Variants in MAMLD1 observed in about 807,000 individuals in gnomAD.
MAMLD1 encodes the protein mastermind-like domain-containing protein 1.
A neutral mutation model predicts 45.0 loss-of-function variants in MAMLD1; 14 were observed. That is an observed-to-expected ratio of 0.31 (90% confidence interval 0.21 to 0.49). MAMLD1 has a LOEUF of 0.49. MAMLD1 is among the 20% of genes least tolerant of loss of function. The pLI is 0.99. For synonymous variants in MAMLD1, 254 were observed against 247.8 expected (o/e 1.02, Z -0.24); for missense variants, 543 against 603.6 (o/e 0.90, Z 1.05).
At chrX:150,399,459 A>C (rs2033658025) in intron 1 of MAMLD1, among the ~76,000 whole-genome samples, 1 of 112,019 alleles carries the variant, frequency 8.9e-6, no homozygotes, top group African/African-American at 3.2e-5. Context: ...AGAACCCGTG[A>C]ATGTGAGTTT....
chrX:150,366,017 C>G (rs1367912554), intron 1 of MAMLD1, among the ~76,000 whole-genome samples: 1 of 112,253 alleles, frequency 8.9e-6, no homozygotes, highest in Non-Finnish European at 1.9e-5. Flanking sequence ...TGCTCCGCCC[C>G]TGTGCCCCAA....
In MAMLD1 at chrX:150,481,551, T is replaced by A. The variant is rs182614518; in HGVS notation, c.2040+7749T>A. Among the ~76,000 whole-genome samples the A allele has an allele frequency of 2.6e-4, 29 of 111,900 alleles. No homozygotes were observed. In the South Asian group the frequency reaches 4.0e-3, roughly 16 times the overall value. On this transcript the variant is annotated intron_variant, in intron 5 of 7. Coordinates refer to ENST00000370401, the MANE Select transcript of MAMLD1 (RefSeq NM_005491.5). Reference sequence around the variant, plus strand: ...TGCCTAAAAGAATCGAAAGCAAGGCTGGACACAGTGGCTCACACCTGTAAT... The same window carrying A: ...TGCCTAAAAGAATCGAAAGCAAGGCAGGACACAGTGGCTCACACCTGTAAT...
upstream of MAMLD1, among the ~76,000 whole-genome samples, chrX:150,362,370 G>T (rs182471700): frequency 9.0e-6 from 1 of 110,860 alleles, no homozygotes; most frequent in Non-Finnish European, 1.9e-5. Flanking sequence ...GTCCTCTGGG[G>T]ATCTGTCATT....
At chrX:150,391,148 TC>T (rs1311510527) in intron 1 of MAMLD1, among the ~76,000 whole-genome samples, 2 of 112,129 alleles carry the variant, frequency 1.8e-5, no homozygotes, top group Non-Finnish European at 3.8e-5. Context: ...GGCATGGATT[TC>T]TTTGGGTTTA....
At chrX:150,497,736 G>A (rs868979966) in intron 5 of MAMLD1, among the ~76,000 whole-genome samples, 2 of 111,759 alleles carry the variant, frequency 1.8e-5, no homozygotes, top group Non-Finnish European at 3.8e-5. Flanking sequence ...CCAGCTCTGC[G>A]GCCATTGCAC....
intron 1 of MAMLD1, among the ~76,000 whole-genome samples, chrX:150,387,872 G>T (rs1047242117): frequency 9.0e-6 from 1 of 111,492 alleles, no homozygotes; most frequent in Non-Finnish European, 1.9e-5. Flanking sequence ...TTGCAATCCC[G>T]AGATAAACTC....
intron 5 of MAMLD1, among the ~76,000 whole-genome samples, chrX:150,499,368 C>T (rs2037484494): frequency 8.9e-6 from 1 of 111,800 alleles, no homozygotes; most frequent in Non-Finnish European, 1.9e-5. Context: ...TCCGAATCAC[C>T]AGAGTGGAGA....
chrX:150,493,511 A>G (rs186703769), intron 5 of MAMLD1, among the ~76,000 whole-genome samples: 98 of 111,743 alleles, frequency 8.8e-4, no homozygotes, highest in African/African-American at 2.9e-3. Context: ...TAATAATAAA[A>G]CCAACAGTCA....
intron 1 of MAMLD1, among the ~76,000 whole-genome samples, chrX:150,364,900 G>C (rs1365179976): frequency 8.9e-6 from 1 of 112,352 alleles, no homozygotes; most frequent in Non-Finnish European, 1.9e-5. Context: ...CCCTGGTTGC[G>C]GTGAGCCGGC....
chrX:150,455,762 TTTCTTC>T (rs150166343), intron 2 of MAMLD1, among the ~76,000 whole-genome samples: 3 of 88,953 alleles, frequency 3.4e-5, no homozygotes, highest in African/African-American at 1.2e-4. Context: ...TGCAGAAGGT[TTTCTTC>T]TTCTTCTTCT....
intron 2 of MAMLD1, among the ~76,000 whole-genome samples, chrX:150,450,901 C>G (rs1044843423): frequency 8.9e-6 from 1 of 112,970 alleles, no homozygotes; most frequent in Admixed American, 9.3e-5. Flanking sequence ...ATGGAGCACG[C>G]AGCTGTTCGC....
chrX:150,387,882 C>A (rs1268617030), intron 1 of MAMLD1, among the ~76,000 whole-genome samples: 1 of 111,525 alleles, frequency 9.0e-6, no homozygotes, highest in African/African-American at 3.3e-5. Flanking sequence ...GAGATAAACT[C>A]CACTTGGTCA....
intron 6 of MAMLD1, 72 bp from the exon 7 acceptor site, chrX:150,509,890 C>A: frequency 2.6e-6 from 2 of 773,333 alleles, no homozygotes; most frequent in Non-Finnish European, 4.0e-6. Flanking sequence ...CCTAGGTCCC[C>A]ACGCAGCGAT....
At chrX:150,406,340 C>G (rs2033998479) in intron 1 of MAMLD1, among the ~76,000 whole-genome samples, 1 of 110,913 alleles carries the variant, frequency 9.0e-6, no homozygotes, top group Admixed American at 9.6e-5. Flanking sequence ...CTTTCCCAGA[C>G]AGATGCAATC....
In MAMLD1 at chrX:150,503,308, C is replaced by T. The variant is rs782330913; in HGVS notation, c.2075C>T (p.Ala692Val). 9 of 1,210,680 alleles carry T rather than the reference C, an allele frequency of 7.4e-6. No individual in the cohort carries two copies. In the Middle Eastern group the frequency reaches 2.1e-3, roughly 278 times the overall value. Residue 692 changes from alanine (A) to valine (V), a missense_variant, in exon 6 of 8, where the codon GCC (alanine) becomes GTC (valine). Coordinates refer to ENST00000370401, the MANE Select transcript of MAMLD1 (RefSeq NM_005491.5). ...HVDKACKLGE[A>V]RHPQVSLGRQ... ...GACAAAGCCTGCAAGCTTGGGGAAG[C>T]CAGGCACCCCCAGGTCAGCCTCGGG...
At position 150,471,026 on chromosome X, in the gene MAMLD1, C is replaced by T; in HGVS notation, c.1453C>T (p.Pro485Ser). Residue 485 changes from proline (P) to serine (S), a missense_variant, in exon 4 of 8, where the codon CCC (proline) becomes TCC (serine). Coordinates refer to ENST00000370401, the MANE Select transcript of MAMLD1 (RefSeq NM_005491.5). ...PQCSLIRSLT[P>S]TSNLLSQQQQ... Reference sequence around the variant, plus strand: ...GTGTTCCCTGATCCGAAGCCTCACTCCCACCAGTAATCTTCTAAGCCAGCA... The same window carrying T: ...GTGTTCCCTGATCCGAAGCCTCACTTCCACCAGTAATCTTCTAAGCCAGCA... 5.8e-6 allele frequency: 7 copies of T among 1,211,990 alleles called. No homozygotes were observed. Among genetic ancestry groups the T allele is most frequent in the Non-Finnish European group, 7.8e-6 (7 of 895,618 alleles).
Position 150,466,919 on chromosome X carries a change from C to A in MAMLD1, c.172-2826C>A, listed in dbSNP as rs782215543. On this transcript the variant is annotated intron_variant, in intron 3 of 7. Transcript: ENST00000370401. ...TCTGGGAGCCCATAGAAGCTGCCAG[C>A]AAATTTCAGAGGCTCACGTGGCAGG... Among the ~76,000 whole-genome samples, 6 of 112,168 alleles carry A rather than the reference C, an allele frequency of 5.3e-5. No individual in the cohort carries two copies. The East Asian group carries it at 1.7e-3, about 32-fold the overall frequency.
At chrX:150,391,675 A>T (rs957167595) in intron 1 of MAMLD1, among the ~76,000 whole-genome samples, 1 of 111,720 alleles carries the variant, frequency 9.0e-6, no homozygotes, top group Non-Finnish European at 1.9e-5. Context: ...TTGTTAAATA[A>T]TTCTAATATC....
intron 1 of MAMLD1, among the ~76,000 whole-genome samples, chrX:150,444,057 C>T (rs190476500): frequency 8.0e-5 from 9 of 111,989 alleles, no homozygotes; most frequent in Admixed American, 1.9e-4. Context: ...GCAGGGAAGG[C>T]GGGCACCATC....
Sources: gnomAD v4.1 joint callset for allele counts (sites outside exome capture counted in the v4.1 genomes callset) on GRCh38, gnomAD v4.1.1 for gene constraint, MANE v1.5 for transcripts, NCBI Gene and HGNC (gene_info 2026-07-23, HGNC 2026-07-21) for gene names.